Variants in ARPP19 observed in about 807,000 individuals in gnomAD.
ARPP19 encodes the protein cAMP-regulated phosphoprotein 19.
Under a neutral mutation model 12.0 loss-of-function variants are expected in ARPP19, and 8 were observed. That is an observed-to-expected ratio of 0.67 (90% CI 0.39 to 1.21). ARPP19 has a LOEUF of 1.21. Among genes scored for constraint, ARPP19 ranks in the 50% most tolerant of loss-of-function variants. The pLI is 0.01. For missense variants in ARPP19, 102 were observed against 136.3 expected, an observed-to-expected ratio of 0.75 and a Z score of 1.25; for synonymous variants, 47 against 50.4, an observed-to-expected ratio of 0.93 and a Z score of 0.29.
intron 1 of ARPP19, among the ~76,000 whole-genome samples, chr15:52,561,934 CTTTTT>C (rs11340086): frequency 7.9e-6 from 1 of 126,978 alleles, no homozygotes; most frequent in Non-Finnish European, 1.6e-5. Flanking sequence ...AGTGCACCTA[CTTTTT>C]TTTTTTTTTT....
At chr15:52,552,493 C>G (rs1041287566) in intron 2 of ARPP19, among the ~76,000 whole-genome samples, 2 of 145,934 alleles carry the variant, frequency 1.4e-5, no homozygotes, top group Non-Finnish European at 3.0e-5. Flanking sequence ...GAGGTTGAGG[C>G]TTAAGAGTCA....
chr15:52,555,986 A>G (rs1566895309), intron 2 of ARPP19, among the ~76,000 whole-genome samples: 1 of 152,162 alleles, frequency 6.6e-6, no homozygotes, highest in East Asian at 1.9e-4. Context: ...TTAGACATTA[A>G]CTAACATTTT....
chr15:52,552,583 C>CA (rs10600080), intron 2 of ARPP19, among the ~76,000 whole-genome samples: 3,126 of 59,612 alleles, frequency 0.052, 351 homozygotes, highest in Non-Finnish European at 0.084. Context: ...GACTGTCTCA[C>CA]AAAAAAAAAA....
At position 52,551,550 on chromosome 15, in the gene ARPP19, G is replaced by C. The variant is rs1270463677; in HGVS notation, c.*384C>G. 6.4e-6 allele frequency: 1 copy of C among 156,280 alleles called. No homozygotes were observed. The highest frequency in any genetic ancestry group is 1.4e-5 in the Non-Finnish European group (1 of 70,664). The allele number at this position is 156,280 out of a possible 1,614,324, so 9.7% of individuals were successfully genotyped here. On this transcript the variant is annotated 3_prime_UTR_variant, in exon 3 of 3. Transcript: ENST00000249822. The stretch of plus-strand genomic sequence containing the variant: ...CAAAATCCAAAAGGTAAATACAGAA[G>C]AAATCAATACAATAGAGATTATATT...
In ARPP19 at chr15:52,552,000, G is replaced by A; in HGVS notation, c.273C>T (p.His91=). The change falls in exon 3 of 3, where the codon CAC becomes CAT. Residue 91 remains histidine (H), a synonymous_variant. Coordinates refer to ENST00000249822, the MANE Select transcript of ARPP19 (RefSeq NM_006628.6). ...APDKTEVTGD[H]IPTPQDLPQR... Reference sequence around the variant, plus strand: ...GAGGAAGGTCTTGCGGAGTGGGAATGTGGTCACCAGTGACCTCCGTCTTAT... The same window carrying A: ...GAGGAAGGTCTTGCGGAGTGGGAATATGGTCACCAGTGACCTCCGTCTTAT... 6.2e-7 allele frequency: 1 copy of A among 1,611,356 alleles called. No individual in the cohort carries two copies. Among genetic ancestry groups the A allele is most frequent in the Non-Finnish European group, 8.5e-7 (1 of 1,177,368 alleles).
intron 1 of ARPP19, chr15:52,564,172 A>T (rs768349532): frequency 1.3e-6 from 2 of 1,518,662 alleles, no homozygotes; most frequent in South Asian, 2.4e-5. Context: ...AACATTTAAA[A>T]ACTTTTCTGA....
intron 1 of ARPP19, chr15:52,564,367 G>A: frequency 1.4e-6 from 1 of 696,054 alleles, no homozygotes; most frequent in Non-Finnish European, 2.5e-6. Context: ...TGCTATCATT[G>A]TGCCATTGCA....
In ARPP19 at chr15:52,556,681, A is replaced by C. The variant is rs1458133084; in HGVS notation, c.168+419T>G. 3.9e-5 allele frequency among the ~76,000 whole-genome samples: 6 copies of C among 152,174 alleles called. No individual in the cohort carries two copies. The South Asian group carries it at 1.2e-3, about 31-fold the overall frequency. On this transcript the variant is annotated intron_variant, in intron 2 of 2. Transcript: ENST00000249822. ...AGTTTCAAAATATGGGCAGAAGGAT[A>C]AACACCAGCTTCTGGATAGTGGCTG...
chr15:52,565,441 G>A (rs2078072456), intron 1 of ARPP19, among the ~76,000 whole-genome samples: 1 of 152,136 alleles, frequency 6.6e-6, no homozygotes, highest in Non-Finnish European at 1.5e-5. Context: ...TAAATGTTTT[G>A]TTTTCACTTC....
Position 52,551,249 on chromosome 15 carries a change from G to C in ARPP19, c.*685C>G, listed in dbSNP as rs1699543077. ...CACAAAAGTGAATTCAACAGTTAAT[G>C]CACATGCATACTTCATTCACATCTT... On this transcript the variant is annotated 3_prime_UTR_variant, in exon 3 of 3. Coordinates refer to ENST00000249822, the MANE Select transcript of ARPP19 (RefSeq NM_006628.6). The C allele has an allele frequency of 1.3e-5, 2 of 152,806 alleles. No individual in the cohort carries two copies. The highest frequency in any genetic ancestry group is 2.1e-4 in the South Asian group (1 of 4,830). 9.5% of individuals were successfully genotyped at this position (152,806 alleles called of 1,614,324 possible).
chr15:52,566,434 C>T (rs1333569327), intron 1 of ARPP19, among the ~76,000 whole-genome samples: 1 of 152,054 alleles, frequency 6.6e-6, no homozygotes, highest in Non-Finnish European at 1.5e-5. Context: ...GCTGGGATTA[C>T]AGCTGTGAGC....
chr15:52,566,503 C>T lies in ARPP19; in HGVS notation c.45+2345G>A, dbSNP rs184490429. 3.0e-3 allele frequency among the ~76,000 whole-genome samples: 456 copies of T among 152,232 alleles called. 1 individual carries two copies. The highest frequency in any genetic ancestry group is 4.8e-3 in the Non-Finnish European group (328 of 68,020). ...TTTTAAAAGTAGCTCACTGTAGCCT[C>T]GAACTCCTGGTCTCAAGTGATCCTC... On this transcript the variant is annotated intron_variant, in intron 1 of 2. Transcript: ENST00000249822.
chr15:52,549,640 C>G lies in ARPP19; in HGVS notation c.*2294G>C, dbSNP rs570460613. The G allele has an allele frequency of 2.5e-4, 38 of 152,652 alleles. No individual in the cohort carries two copies. The highest frequency in any genetic ancestry group is 9.2e-4 in the African/African-American group (38 of 41,524). The allele number at this position is 152,652 out of a possible 1,614,324, so 9.5% of individuals were successfully genotyped here. On this transcript the variant is annotated 3_prime_UTR_variant, in exon 3 of 3. Coordinates refer to ENST00000249822, the MANE Select transcript of ARPP19 (RefSeq NM_006628.6). ...ATGTATTTTACAAACAAAACTCAAG[C>G]AGTTGTTTTATTACTTGTCCCAAAC... is the stretch of plus-strand genomic sequence containing the variant.
chr15:52,561,177 G>C (rs1452764123), intron 1 of ARPP19, among the ~76,000 whole-genome samples: 1 of 152,098 alleles, frequency 6.6e-6, no homozygotes, highest in East Asian at 1.9e-4. Flanking sequence ...AATTTGATGT[G>C]ACTCCACGTT....
intron 2 of ARPP19, 65 bp from the exon 3 acceptor site, chr15:52,552,169 C>A: frequency 1.1e-6 from 1 of 873,436 alleles, no homozygotes; most frequent in East Asian, 2.5e-5. Context: ...GATGTCGATG[C>A]AACCCCATAC....
intron 1 of ARPP19, among the ~76,000 whole-genome samples, chr15:52,565,118 G>C: frequency 6.6e-6 from 1 of 150,744 alleles, no homozygotes. Context: ...TGCCATCAAA[G>C]GTCCCTGTGG....
At chr15:52,565,201 T>C (rs1250663884) in intron 1 of ARPP19, among the ~76,000 whole-genome samples, 5 of 151,876 alleles carry the variant, frequency 3.3e-5, no homozygotes, top group Admixed American at 6.6e-5. Flanking sequence ...TGTAGATTTA[T>C]TATTTTAGAG....
In ARPP19 at chr15:52,547,614, A is replaced by G. The variant is rs2077890014; in HGVS notation, c.*4320T>C. 1 of 152,248 alleles carries G rather than the reference A, an allele frequency of 6.6e-6. No homozygotes were observed. Among genetic ancestry groups the G allele is most frequent in the Admixed American group, 6.5e-5 (1 of 15,284 alleles). 9.4% of individuals were successfully genotyped at this position (152,248 alleles called of 1,614,324 possible). On this transcript the variant is annotated 3_prime_UTR_variant, in exon 3 of 3. Transcript: ENST00000249822. Reference sequence around the variant, plus strand: ...GTTGAAACTTAGTAAAACCGTATTAAAGTCAGTGTTTTTATTCTTAGATTA... The same window carrying G: ...GTTGAAACTTAGTAAAACCGTATTAGAGTCAGTGTTTTTATTCTTAGATTA...
rs1159149979 is a variant in ARPP19 at position 52,551,920 on chromosome 15, G to C, written c.*14C>G. 6.2e-7 allele frequency: 1 copy of C among 1,600,318 alleles called. No homozygotes were observed. The highest frequency in any genetic ancestry group is 8.6e-7 in the Non-Finnish European group (1 of 1,169,216). ...TAATGAGATTTAGCAGATTCATGCA[G>C]TTCAGCCTCTTAATCAGCCAGCCAG... On this transcript the variant is annotated 3_prime_UTR_variant, in exon 3 of 3. Transcript: ENST00000249822.
Sources: gnomAD v4.1 joint callset for allele counts (sites outside exome capture counted in the v4.1 genomes callset) on GRCh38, gnomAD v4.1.1 for gene constraint, MANE v1.5 for transcripts, NCBI Gene and HGNC (gene_info 2026-07-23, HGNC 2026-07-21) for gene names.